ATP8A2: variants seen among roughly 807,000 people sequenced by gnomAD.
The protein encoded by ATP8A2 is ATPase phospholipid transporting 8A2.
Under a neutral mutation model 165.6 loss-of-function variants are expected in ATP8A2, and 100 were observed. The ratio of observed to expected loss-of-function variants is 0.60; its 90% CI spans 0.51 to 0.71. ATP8A2 has a LOEUF of 0.71. ATP8A2 is among the 30% of genes least tolerant of loss of function. The pLI, the probability that ATP8A2 is intolerant of heterozygous loss-of-function variation, is 0.00. For synonymous variants in ATP8A2, 543 were observed against 548.8 expected (o/e 0.99, Z 0.15); for missense variants, 1,227 against 1,479.5 (o/e 0.83, Z 2.80).
At chr13:25,625,123 A>C (rs1029631589) in intron 24 of ATP8A2, among the ~76,000 whole-genome samples, 1 of 152,214 alleles carries the variant, frequency 6.6e-6, no homozygotes, top group Non-Finnish European at 1.5e-5. Context: ...ATGAGAGATT[A>C]GTTGTGGATC....
chr13:25,937,264 T>C (rs1338543717), intron 33 of ATP8A2, among the ~76,000 whole-genome samples: 4 of 151,684 alleles, frequency 2.6e-5, no homozygotes, highest in African/African-American at 7.3e-5. Context: ...TTGTAGTAAA[T>C]ATTCTGTGAA....
At chr13:25,703,920 A>C (rs1338269853) in intron 25 of ATP8A2, among the ~76,000 whole-genome samples, 1 of 152,216 alleles carries the variant, frequency 6.6e-6, no homozygotes, top group African/African-American at 2.4e-5. Context: ...AAAATGGTCA[A>C]TTTTATCTTA....
At chr13:25,691,367 A>G (rs770612645) in intron 24 of ATP8A2, among the ~76,000 whole-genome samples, 2 of 152,240 alleles carry the variant, frequency 1.3e-5, no homozygotes, top group Non-Finnish European at 2.9e-5. Flanking sequence ...GCTGATTAAC[A>G]AAAGAGTATT....
chr13:25,817,085 T>G (rs2138547062), intron 27 of ATP8A2, among the ~76,000 whole-genome samples: 1 of 152,284 alleles, frequency 6.6e-6, no homozygotes, highest in South Asian at 2.1e-4. Flanking sequence ...TGGAAACAGC[T>G]GTGTCATTAA....
intron 4 of ATP8A2, 34 bp downstream of exon 4, chr13:25,530,694 T>A (rs1300802508): frequency 7.9e-7 from 1 of 1,264,472 alleles, no homozygotes; most frequent in Admixed American, 2.0e-5. Context: ...AAAATCATTG[T>A]ATGCAGTAGA....
chr13:25,529,672 G>A (rs910994662), intron 2 of ATP8A2, among the ~76,000 whole-genome samples: 6 of 152,174 alleles, frequency 3.9e-5, no homozygotes, highest in East Asian at 1.9e-4. Flanking sequence ...GGGGAACATC[G>A]AATTGTTATT....
At chr13:25,791,540 C>CGT (rs2045175828) in intron 27 of ATP8A2, among the ~76,000 whole-genome samples, 1 of 120,686 alleles carries the variant, frequency 8.3e-6, no homozygotes, top group Non-Finnish European at 1.7e-5. Context: ...CACACACACA[C>CGT]ATACACACAC....
At position 25,498,066 on chromosome 13, in the gene ATP8A2, A is replaced by G. The variant is rs185437550; in HGVS notation, c.221+28945A>G. Among the ~76,000 whole-genome samples, 15 of 152,310 alleles carry G rather than the reference A, an allele frequency of 9.8e-5. No individual in the cohort carries two copies. The East Asian group carries it at 2.5e-3, about 25-fold the overall frequency. ...TGATCCATATGCTGTATACCCATAC[A>G]TGTGGACACACGTGCTCCGGATATG... On this transcript the variant is annotated intron_variant, in intron 2 of 36. Transcript: ENST00000381655.
At chr13:25,551,307 A>T in intron 10 of ATP8A2, 31 bp from the exon 11 acceptor site, 1 of 1,594,696 alleles carries the variant, frequency 6.3e-7, no homozygotes, top group South Asian at 1.1e-5. Context: ...CTGTTCTGTG[A>T]CCCTTACTGA....
At chr13:25,664,404 G>A (rs2042109867) in intron 24 of ATP8A2, among the ~76,000 whole-genome samples, 1 of 152,150 alleles carries the variant, frequency 6.6e-6, no homozygotes, top group Admixed American at 6.5e-5. Flanking sequence ...CTTCTGGAGT[G>A]GGCAGTTGGT....
chr13:25,712,389 C>A (rs17487990), intron 25 of ATP8A2, among the ~76,000 whole-genome samples: 9,783 of 152,036 alleles, frequency 0.064, 975 homozygotes, highest in African/African-American at 0.21. Flanking sequence ...GGAAGATGAG[C>A]CTTGTAGGAA....
At chr13:25,512,746 A>C (rs751052537) in intron 2 of ATP8A2, among the ~76,000 whole-genome samples, 19 of 98,056 alleles carry the variant, frequency 1.9e-4, no homozygotes, top group South Asian at 7.3e-4. Flanking sequence ...GACCCCCCCC[A>C]CCTCCCTCCC....
At chr13:25,729,629 G>C (rs1322902267) in intron 25 of ATP8A2, among the ~76,000 whole-genome samples, 1 of 152,068 alleles carries the variant, frequency 6.6e-6, no homozygotes, top group African/African-American at 2.4e-5. Context: ...CCCTGGCAAG[G>C]TGTGCATGAA....
chr13:26,012,689 T>C (rs1460261295), intron 36 of ATP8A2, 67 bp downstream of exon 36: 12 of 512,490 alleles, frequency 2.3e-5, no homozygotes, highest in Non-Finnish European at 2.6e-5. Context: ...TGATGAGGAG[T>C]TGGGGGAGCG....
intron 33 of ATP8A2, among the ~76,000 whole-genome samples, chr13:25,938,923 A>C (rs1954990600): frequency 6.6e-6 from 1 of 151,628 alleles, no homozygotes; most frequent in Admixed American, 6.6e-5. Flanking sequence ...GCTTACTGCA[A>C]CCTCTGCCTG....
chr13:25,713,458 T>C (rs936099345), intron 25 of ATP8A2, among the ~76,000 whole-genome samples: 1 of 152,210 alleles, frequency 6.6e-6, no homozygotes, highest in Non-Finnish European at 1.5e-5. Flanking sequence ...CAGCATTATT[T>C]TTGGTGCTAC....
intron 1 of ATP8A2, among the ~76,000 whole-genome samples, chr13:25,384,340 C>T (rs1240049213): frequency 1.3e-5 from 2 of 152,194 alleles, no homozygotes; most frequent in Admixed American, 1.3e-4. Context: ...AAAGATCTTG[C>T]AATCTGACAC....
At chr13:25,932,063 G>T (rs1218280388) in intron 33 of ATP8A2, among the ~76,000 whole-genome samples, 2 of 139,540 alleles carry the variant, frequency 1.4e-5, no homozygotes, top group Non-Finnish European at 3.2e-5. Context: ...AAAAAAAAAA[G>T]AAAGAAAGAA....
At position 25,372,381 on chromosome 13, in the gene ATP8A2, C is replaced by G. The variant is rs956973842; in HGVS notation, c.76+93C>G. 110 of 928,212 alleles carry G rather than the reference C, an allele frequency of 1.2e-4. No individual in the cohort carries two copies. Among genetic ancestry groups the G allele is most frequent in the Non-Finnish European group, 1.5e-4 (103 of 691,530 alleles). The allele number at this position is 928,212 out of a possible 1,614,324, so 57.5% of individuals were successfully genotyped here. ...GTTATGCGACACTGCCCCGCCCGCG[C>G]CCCGCTCCCCTCCCTGGGCTCCCTG... On this transcript the variant is annotated intron_variant, in intron 1 of 36. Coordinates refer to ENST00000381655, the MANE Select transcript of ATP8A2 (RefSeq NM_016529.6). This position sits in a 1 kb window ranked among gnomAD's most constrained non-coding sequence, Gnocchi z 4.8.
Sources: gnomAD v4.1 joint callset for allele counts (sites outside exome capture counted in the v4.1 genomes callset) on GRCh38, gnomAD v4.1.1 for gene constraint, Gnocchi (gnomAD v3.1) non-coding constraint, MANE v1.5 for transcripts, NCBI Gene and HGNC (gene_info 2026-07-23, HGNC 2026-07-21) for gene names.